The following YJU2B variants were observed in gnomAD, a reference collection of about 807,000 sequenced individuals.
YJU2B encodes YJU2 splicing factor homolog B, also known as probable splicing factor YJU2B.
Under a neutral mutation model 38.0 loss-of-function variants are expected in YJU2B, and 18 were observed. The ratio of observed to expected loss-of-function variants is 0.47; its 90% CI spans 0.33 to 0.70. The LOEUF (loss-of-function observed/expected upper bound fraction) is 0.70. Among genes scored for constraint, YJU2B ranks in the 30% least tolerant of loss-of-function variants. YJU2B has a pLI of 0.02. For missense variants in YJU2B, 538 were observed against 556.3 expected (o/e 0.97, Z 0.33); for synonymous variants, 246 against 225.4 (o/e 1.09, Z -0.82).
intron 2 of YJU2B, among the ~76,000 whole-genome samples, chr19:13,736,439 T>C (rs897706321): frequency 1.3e-5 from 2 of 151,682 alleles, no homozygotes; most frequent in African/African-American, 4.8e-5. Context: ...TTGTATTTTT[T>C]AGTAGAGACA....
At chr19:13,749,101 T>G (rs1227074222) in intron 1 of YJU2B, among the ~76,000 whole-genome samples, 2 of 152,186 alleles carry the variant, frequency 1.3e-5, no homozygotes, top group Non-Finnish European at 2.9e-5. Context: ...CCTCCCAGAT[T>G]CAAGCGATTC....
At chr19:13,737,646 A>T (rs1168998121) in intron 2 of YJU2B, among the ~76,000 whole-genome samples, 1 of 117,474 alleles carries the variant, frequency 8.5e-6, no homozygotes, top group African/African-American at 3.4e-5. Flanking sequence ...TTAGCCAGGC[A>T]TGGCGGCGAG....
intron 2 of YJU2B, among the ~76,000 whole-genome samples, chr19:13,740,943 G>A (rs1237347682): frequency 6.6e-6 from 1 of 152,136 alleles, no homozygotes; most frequent in East Asian, 1.9e-4. Flanking sequence ...GCAGCCCTGC[G>A]CATAGGGTTC....
At chr19:13,732,869 A>G (rs1972854502) in intron 2 of YJU2B, among the ~76,000 whole-genome samples, 1 of 151,854 alleles carries the variant, frequency 6.6e-6, no homozygotes, top group South Asian at 2.1e-4. Context: ...TCTTCCTCCC[A>G]AAGTGCTGGG....
intron 8 of YJU2B, among the ~76,000 whole-genome samples, chr19:13,759,828 A>C (rs1973822028): frequency 8.3e-5 from 10 of 119,952 alleles, no homozygotes; most frequent in East Asian, 2.5e-4. Flanking sequence ...ACTGAGTTTC[A>C]CTCTTATTGC....
At chr19:13,742,775 C>T (rs919245219) in intron 2 of YJU2B, among the ~76,000 whole-genome samples, 4 of 152,210 alleles carry the variant, frequency 2.6e-5, no homozygotes, top group African/African-American at 7.2e-5. Flanking sequence ...CCCAAGATGA[C>T]ATTCTGTGCC....
chr19:13,763,088 CTG>C lies in YJU2B; in HGVS notation c.*21_*22del, dbSNP rs1276510917. 1.8e-5 allele frequency: 27 copies of C among 1,525,214 alleles called. No homozygotes were observed. Among genetic ancestry groups the C allele is most frequent in the Non-Finnish European group, 2.2e-5 (25 of 1,134,678 alleles). The allele number at this position is 1,525,214 out of a possible 1,614,324, so 94.5% of individuals were successfully genotyped here. A position where few individuals can be genotyped will look rare whatever the true frequency, so the allele number is the denominator to read the frequency against. ...GAGTGAGCGATCCCCATCCTGGAGACTGGACCCGCTCTAGAGGCCCGGACACA... is the reference window on the plus strand; with the variant it reads ...GAGTGAGCGATCCCCATCCTGGAGACGACCCGCTCTAGAGGCCCGGACACA... On this transcript the variant is annotated 3_prime_UTR_variant, in exon 10 of 10. Transcript: ENST00000221554.
intron 2 of YJU2B, among the ~76,000 whole-genome samples, chr19:13,737,448 A>C (rs1354948991): frequency 6.6e-6 from 1 of 151,440 alleles, no homozygotes; most frequent in Admixed American, 6.6e-5. Context: ...AGTTCATAGA[A>C]TCTTCTGGCC....
At chr19:13,748,480 A>G (rs1568283785) in intron 1 of YJU2B, among the ~76,000 whole-genome samples, 1 of 152,008 alleles carries the variant, frequency 6.6e-6, no homozygotes. Flanking sequence ...CAGGGTCGGT[A>G]ATTACTTTTG....
At position 13,751,690 on chromosome 19, in the gene YJU2B, C is replaced by A; in HGVS notation, c.-119C>A. 1 of 1,091,716 alleles carries A rather than the reference C, an allele frequency of 9.2e-7. No homozygotes were observed. Among genetic ancestry groups the A allele is most frequent in the Non-Finnish European group, 1.4e-6 (1 of 715,782 alleles). The allele number at this position is 1,091,716 out of a possible 1,614,324, so 67.6% of individuals were successfully genotyped here. On this transcript the variant is annotated 5_prime_UTR_variant, in exon 2 of 10. Transcript: ENST00000221554. ...CACCACACGGCCCACGACATCTTCG[C>A]AGGGAAGCCTGTGGACCCTCTGCCA...
At chr19:13,735,425 G>C (rs562044890) in intron 2 of YJU2B, among the ~76,000 whole-genome samples, 1 of 152,174 alleles carries the variant, frequency 6.6e-6, no homozygotes, top group South Asian at 2.1e-4. Context: ...TGAGGATGTT[G>C]AGGTGATTTC....
In YJU2B at chr19:13,762,870, G is replaced by T; in HGVS notation, c.993G>T (p.Met331Ile). 1 of 1,609,610 alleles carries T rather than the reference G, an allele frequency of 6.2e-7. No homozygotes were observed. The highest frequency in any genetic ancestry group is 1.3e-5 in the African/African-American group (1 of 74,980). Residue 331 changes from methionine to isoleucine, a missense_variant, in exon 10 of 10, where the codon ATG becomes ATT. Transcript: ENST00000221554. ...VPEEAAQDRP[M>I]SPGDCPPETT... ...AGGAGGCTGCCCAGGACCGGCCCAT[G>T]TCCCCCGGAGACTGTCCTCCGGAAA...
chr19:13,743,964 C>T (rs1366639908), upstream of YJU2B, among the ~76,000 whole-genome samples: 2 of 151,992 alleles, frequency 1.3e-5, no homozygotes, highest in Non-Finnish European at 1.5e-5. Context: ...GAGGCCGAGG[C>T]GGGTGGATCA....
chr19:13,751,794 T>C lies in YJU2B; in HGVS notation c.-15T>C, dbSNP rs1364366674. 1 of 1,614,070 alleles carries C rather than the reference T, an allele frequency of 6.2e-7. No individual in the cohort carries two copies. The highest frequency in any genetic ancestry group is 8.5e-7 in the Non-Finnish European group (1 of 1,179,964). On this transcript the variant is annotated 5_prime_UTR_variant, in exon 2 of 10. Transcript: ENST00000221554. ...CGTCCGCCCCGAGGCTGAGGACCAG[T>C]AGGCAGCTCCCAAGATGGTGAGTAG... is the stretch of plus-strand genomic sequence containing the variant.
intron 2 of YJU2B, among the ~76,000 whole-genome samples, chr19:13,740,494 G>A (rs1421954431): frequency 6.6e-6 from 1 of 151,948 alleles, no homozygotes; most frequent in Non-Finnish European, 1.5e-5. Context: ...TTACAGGCAT[G>A]AACCACCATG....
At chr19:13,758,204 C>G (rs548889692) in intron 6 of YJU2B, among the ~76,000 whole-genome samples, 5 of 152,320 alleles carry the variant, frequency 3.3e-5, no homozygotes, top group Non-Finnish European at 5.9e-5. Flanking sequence ...AGCTCCAAGG[C>G]TCCTCCCTCA....
intron 2 of YJU2B, among the ~76,000 whole-genome samples, chr19:13,742,363 C>T (rs1367125511): frequency 2.2e-5 from 3 of 133,950 alleles, no homozygotes; most frequent in African/African-American, 5.8e-5. Flanking sequence ...AGTGCAGTGG[C>T]GCAATCTCGG....
chr19:13,751,075 T>C (rs1243765658), intron 1 of YJU2B, among the ~76,000 whole-genome samples: 1 of 152,032 alleles, frequency 6.6e-6, no homozygotes, highest in Non-Finnish European at 1.5e-5. Flanking sequence ...CTAAAAACCA[T>C]ATGAATCATG....
At chr19:13,745,867 G>A (rs1051752820), upstream of YJU2B, among the ~76,000 whole-genome samples, 1 of 151,688 alleles carries the variant, frequency 6.6e-6, no homozygotes, top group Non-Finnish European at 1.5e-5. Context: ...TTTCCTCTCT[G>A]AATCCCCAGG....
Sources: allele counts gnomAD v4.1 joint callset (sites outside exome capture counted in the v4.1 genomes callset), GRCh38; gene constraint gnomAD v4.1.1; transcripts MANE v1.5; gene names NCBI Gene and HGNC (gene_info 2026-07-23, HGNC 2026-07-21).